The following PTDSS2 variants were observed in gnomAD, a reference collection of about 807,000 sequenced individuals.
PTDSS2 encodes the protein PSS-2.
PTDSS2 carries 41 observed loss-of-function variants against 64.7 expected under a neutral mutation model. The observed-to-expected ratio is 0.63, with a 90% confidence interval of 0.49 to 0.82. The LOEUF is 0.82. Ranked by LOEUF, PTDSS2 falls within the 40% of genes least tolerant of loss-of-function variation. The pLI, the probability that PTDSS2 is intolerant of heterozygous loss-of-function variation, is 0.00. For synonymous variants in PTDSS2, 297 were observed against 277.8 expected, an observed-to-expected ratio of 1.07 and a Z score of -0.69; for missense variants, 485 against 650.0, an observed-to-expected ratio of 0.75 and a Z score of 2.76.
At chr11:458,201 AT>A (rs1178943531) in intron 1 of PTDSS2, among the ~76,000 whole-genome samples, 5 of 147,308 alleles carry the variant, frequency 3.4e-5, no homozygotes, top group East Asian at 2.0e-4. Flanking sequence ...GATAAAAAGT[AT>A]TTTTTTTCTT....
Position 489,943 on chromosome 11 carries a change from G to A in PTDSS2, c.1176G>A (p.Glu392=), listed in dbSNP as rs766765474. The A allele has an allele frequency of 3.7e-5, 60 of 1,609,518 alleles. No homozygotes were observed. The Admixed American group carries it at 1.0e-3, about 27-fold the overall frequency. The change falls in exon 11 of 12, where the codon GAG becomes GAA. Residue 392 remains glutamate (E), a synonymous_variant. Coordinates refer to ENST00000308020, the MANE Select transcript of PTDSS2 (RefSeq NM_030783.3). The part of the protein sequence containing the change: ...AWLVAAITAT[E]LLIVVKYDPH... ...TGGTGGCGGCCATCACGGCCACGGA[G>A]CTGCTCATCGTGGTGAAGTACGACC...
rs201931623 is a variant in PTDSS2 at position 490,813 on chromosome 11, CGT to C, written c.*236_*237del. On this transcript the variant is annotated 3_prime_UTR_variant, in exon 12 of 12. Coordinates refer to ENST00000308020, the MANE Select transcript of PTDSS2 (RefSeq NM_030783.3). ...GCGTGTGTGTACGCGTGTGTACGCGCGTGTGTACACATGCGTGGCCGCCTGTG... is the reference window on the plus strand; with the variant it reads ...GCGTGTGTGTACGCGTGTGTACGCGCGTGTACACATGCGTGGCCGCCTGTG... 2.2e-3 allele frequency: 729 copies of C among 334,638 alleles called. 6 individuals carry two copies. Among genetic ancestry groups the C allele is most frequent in the African/African-American group, 0.019 (643 of 34,208 alleles). The allele number at this position is 334,638 out of a possible 1,614,324, so 20.7% of individuals were successfully genotyped here.
Position 489,475 on chromosome 11 carries a change from C to G in PTDSS2, c.930C>G (p.Ser310Arg). ...GCTTCGAGTGGAAGCCGGCCTCCAGCCTGCGTCGCTGGCTGGCCGTGTGCG... is the reference window on the plus strand; with the variant it reads ...GCTTCGAGTGGAAGCCGGCCTCCAGGCTGCGTCGCTGGCTGGCCGTGTGCG... Reference protein sequence around the residue: ...WVRFEWKPASSLRRWLAVCGI... With the variant: ...WVRFEWKPASRLRRWLAVCGI... Residue 310 changes from serine to arginine, a missense_variant, in exon 9 of 12, where the codon AGC becomes AGG. Ser to Arg is a moderately radical substitution (Grantham distance 110). Coordinates refer to ENST00000308020, the MANE Select transcript of PTDSS2 (RefSeq NM_030783.3). 6.2e-7 allele frequency: 1 copy of G among 1,613,242 alleles called. No homozygotes were observed. Among genetic ancestry groups the G allele is most frequent in the Non-Finnish European group, 8.5e-7 (1 of 1,179,852 alleles).
intron 1 of PTDSS2, among the ~76,000 whole-genome samples, chr11:457,327 A>G (rs948016900): frequency 6.6e-6 from 1 of 152,224 alleles, no homozygotes; most frequent in Non-Finnish European, 1.5e-5. Context: ...TCTCCGCTCC[A>G]GTCTGCTTTT....
At chr11:459,557 G>C (rs1187570599) in intron 1 of PTDSS2, 3 of 152,886 alleles carry the variant, frequency 2.0e-5, no homozygotes, top group Non-Finnish European at 4.4e-5. Context: ...GCTGGGGTCT[G>C]GTGGCCCCCA....
chr11:469,767 C>T (rs1847334121), intron 2 of PTDSS2, among the ~76,000 whole-genome samples: 1 of 152,012 alleles, frequency 6.6e-6, no homozygotes. Flanking sequence ...TCCACGGGGC[C>T]AGGGCTCTGA....
chr11:451,900 G>A (rs1410879555), intron 1 of PTDSS2, among the ~76,000 whole-genome samples: 15 of 152,178 alleles, frequency 9.9e-5, no homozygotes, highest in Non-Finnish European at 8.8e-5. Context: ...TGAGTGTACC[G>A]GGTGGCTGCG....
intron 1 of PTDSS2, among the ~76,000 whole-genome samples, chr11:451,092 C>G (rs959946820): frequency 6.6e-6 from 1 of 152,246 alleles, no homozygotes; most frequent in Non-Finnish European, 1.5e-5. Context: ...ACGAAATCAT[C>G]TTGTGTGTCG....
chr11:488,789 GAA>G, intron 8 of PTDSS2, 142 bp downstream of exon 8: 1 of 672,550 alleles, frequency 1.5e-6, no homozygotes, highest in Non-Finnish European at 2.7e-6. Context: ...TTGCCTCCTG[GAA>G]CCTCCCTCTG....
chr11:478,986 A>G (rs1847938955), intron 3 of PTDSS2, 99 bp from the exon 4 acceptor site: 1 of 898,460 alleles, frequency 1.1e-6, no homozygotes, highest in East Asian at 2.4e-5. Flanking sequence ...GGCCCAGAAG[A>G]GACACTGGGT....
chr11:460,311 C>G lies in PTDSS2; in HGVS notation c.284+23C>G, dbSNP rs766468787. Reference sequence around the variant, plus strand: ...GAGGTAAGCTGCCCTCTTGTCCTGCCTTCTGAAACTGCCCTGTGCCCCGTG... The same window carrying G: ...GAGGTAAGCTGCCCTCTTGTCCTGCGTTCTGAAACTGCCCTGTGCCCCGTG... On this transcript the variant is annotated intron_variant, in intron 2 of 11. Transcript: ENST00000308020. This position sits in a 1 kb window ranked among gnomAD's most constrained non-coding sequence, Gnocchi z 5.8. 6.3e-7 allele frequency: 1 copy of G among 1,587,960 alleles called. No homozygotes were observed. Among genetic ancestry groups the G allele is most frequent in the Non-Finnish European group, 8.6e-7 (1 of 1,156,762 alleles).
intron 1 of PTDSS2, among the ~76,000 whole-genome samples, chr11:452,267 A>G (rs1461003166): frequency 6.6e-6 from 1 of 152,222 alleles, no homozygotes; most frequent in Non-Finnish European, 1.5e-5. Context: ...TTACCGTTCT[A>G]CGGGACATAG....
intron 4 of PTDSS2, among the ~76,000 whole-genome samples, chr11:482,609 T>C (rs183255806): frequency 1.6e-4 from 24 of 152,354 alleles, no homozygotes; most frequent in Admixed American, 8.5e-4. Flanking sequence ...CCACTGTGCC[T>C]GGCCAGATGG....
At chr11:488,101 A>C (rs1461886074) in intron 6 of PTDSS2, 98 bp from the exon 7 acceptor site, 12 of 864,950 alleles carry the variant, frequency 1.4e-5, no homozygotes, top group East Asian at 2.5e-5. Flanking sequence ...CCGGCGTCCC[A>C]TACTCTGGCT....
rs773261974 is a variant in PTDSS2, at chr11:490,050, T to G, written c.1283T>G (p.Val428Gly). 1.9e-6 allele frequency: 3 copies of G among 1,608,266 alleles called. No individual in the cohort carries two copies. The highest frequency in any genetic ancestry group is 2.5e-6 in the Non-Finnish European group (3 of 1,179,606). ...LGSVLALTWT[V>G]WRFFLRDITL... ...TCCGTCCTGGCGCTCACCTGGACCG[T>G]CTGGCGCTTCTTCCTGCGGTGAGTC... is the stretch of plus-strand genomic sequence containing the variant. The change falls in exon 11 of 12, where the codon GTC (valine) becomes GGC (glycine). Residue 428 changes from valine to glycine, a missense_variant. Val to Gly is a moderately radical substitution (Grantham distance 109). Transcript: ENST00000308020.
chr11:460,522 G>C lies in PTDSS2; in HGVS notation c.284+234G>C. ...CTGTCACTGGGAGCCAGGAGTCTGT[G>C]TCATCTCCACGTGACCGGCAGCCTG... On this transcript the variant is annotated intron_variant, in intron 2 of 11. Transcript: ENST00000308020. The surrounding 1 kb of genome is among the most constrained non-coding windows in gnomAD (Gnocchi z 5.8). 1 of 522,178 alleles carries C rather than the reference G, an allele frequency of 1.9e-6. No individual in the cohort carries two copies. The highest frequency in any genetic ancestry group is 3.5e-6 in the Non-Finnish European group (1 of 287,830). 32.3% of individuals were successfully genotyped at this position (522,178 alleles called of 1,614,324 possible).
chr11:483,747 G>A (rs928721468), intron 4 of PTDSS2, among the ~76,000 whole-genome samples: 17 of 152,144 alleles, frequency 1.1e-4, no homozygotes, highest in African/African-American at 3.9e-4. Flanking sequence ...ATCCATATTT[G>A]TAAGAGGTAC....
At chr11:452,468 A>G (rs1223927985) in intron 1 of PTDSS2, among the ~76,000 whole-genome samples, 1 of 152,192 alleles carries the variant, frequency 6.6e-6, no homozygotes, top group Non-Finnish European at 1.5e-5. Flanking sequence ...AGAAGCCCAG[A>G]CCAGTGGTCC....
rs200059219 is a variant in PTDSS2, at chr11:488,446, G to T, written c.736-83G>T. On this transcript the variant is annotated intron_variant, in intron 7 of 11. Coordinates refer to ENST00000308020, the MANE Select transcript of PTDSS2 (RefSeq NM_030783.3). ...TGGGTGCAGGCTGAGGGGCATTCTC[G>T]GTTCCCCTGTGCTCTTCCGGGGTCC... 9.6e-4 allele frequency: 1,326 copies of T among 1,375,744 alleles called. 9 individuals carry two copies. In the Middle Eastern group the frequency reaches 0.011, roughly 12 times the overall value. 85.2% of individuals were successfully genotyped at this position (1,375,744 alleles called of 1,614,324 possible).
Sources: gnomAD v4.1 joint callset for allele counts (sites outside exome capture counted in the v4.1 genomes callset) on GRCh38, gnomAD v4.1.1 for gene constraint, Gnocchi (gnomAD v3.1) non-coding constraint, MANE v1.5 for transcripts, NCBI Gene and HGNC (gene_info 2026-07-23, HGNC 2026-07-21) for gene names.